The following ASRGL1 variants were observed in gnomAD, a reference collection of about 807,000 sequenced individuals.
ASRGL1 encodes isoaspartyl peptidase/L-asparaginase.
ASRGL1 carries 16 observed loss-of-function variants against 22.4 expected under a neutral mutation model. The observed-to-expected ratio is 0.71, with a 90% CI of 0.48 to 1.08. The LOEUF is 1.08. Among genes scored for constraint, ASRGL1 ranks in the 50% least tolerant of loss-of-function variants. The pLI, the probability that ASRGL1 is intolerant of heterozygous loss-of-function variation, is 0.00. For missense variants in ASRGL1, 412 were observed against 410.1 expected, an observed-to-expected ratio of 1.00 and a Z score of -0.04; for synonymous variants, 165 against 159.3, an observed-to-expected ratio of 1.04 and a Z score of -0.27.
Position 62,384,017 on chromosome 11 carries a change from T to TGTGTGTGCAC in ASRGL1, c.492-5107_492-5098dup, listed in dbSNP as rs775394224. Among the ~76,000 whole-genome samples, 830 of 146,490 alleles carry TGTGTGTGCAC rather than the reference T, an allele frequency of 5.7e-3. 3 individuals carry two copies. The highest frequency in any genetic ancestry group is 0.029 in the East Asian group (146 of 4,958). On this transcript the variant is annotated intron_variant, in intron 4 of 6. Coordinates refer to ENST00000415229, the MANE Select transcript of ASRGL1 (RefSeq NM_001083926.2). ...AAATGCATCTGTGTGTGTGCATGTG[T>TGTGTGTGCAC]GTGTGTGCACGTGTGTGCGTGTGTG...
chr11:62,385,322 T>C (rs1947175272), intron 4 of ASRGL1, among the ~76,000 whole-genome samples: 1 of 151,944 alleles, frequency 6.6e-6, no homozygotes, highest in Admixed American at 6.5e-5. Context: ...AGTCTCATTG[T>C]TTTTTCTTTT....
At chr11:62,374,601 AGTT>A (rs1357515849) in intron 4 of ASRGL1, among the ~76,000 whole-genome samples, 1 of 151,982 alleles carries the variant, frequency 6.6e-6, no homozygotes, top group Admixed American at 6.6e-5. Flanking sequence ...AAAATGATCT[AGTT>A]GTTGTTACTT....
intron 4 of ASRGL1, 144 bp downstream of exon 4, chr11:62,357,288 T>C: frequency 1.1e-6 from 1 of 921,674 alleles, no homozygotes; most frequent in Admixed American, 3.0e-5. Flanking sequence ...CTCTCTCTGT[T>C]GCCCAGACTG....
chr11:62,362,545 TATATAAC>T (rs1565161959), intron 4 of ASRGL1, among the ~76,000 whole-genome samples: 14 of 27,152 alleles, frequency 5.2e-4, no homozygotes, highest in African/African-American at 1.9e-3. Flanking sequence ...TTATATAAAA[TATATAAC>T]ATATATTATT....
intron 2 of ASRGL1, among the ~76,000 whole-genome samples, chr11:62,347,541 G>A (rs1423063785): frequency 2.6e-5 from 4 of 152,098 alleles, no homozygotes; most frequent in Non-Finnish European, 1.5e-5. Flanking sequence ...TTTAGGAGCT[G>A]TGTGTCAGGA....
At chr11:62,389,790 G>A (rs1304138276) in intron 5 of ASRGL1, 1 of 216,988 alleles carries the variant, frequency 4.6e-6, no homozygotes, top group African/African-American at 2.3e-5. Flanking sequence ...GGGGCTGTAT[G>A]TTTCACTCCG....
intron 4 of ASRGL1, among the ~76,000 whole-genome samples, chr11:62,386,206 TG>T (rs1251457086): frequency 2.0e-5 from 3 of 152,112 alleles, no homozygotes; most frequent in African/African-American, 7.2e-5. Flanking sequence ...AAATTTTTTC[TG>T]GCAGGTGGAT....
intron 4 of ASRGL1, among the ~76,000 whole-genome samples, chr11:62,360,192 T>G (rs914007599): frequency 4.6e-5 from 7 of 151,724 alleles, no homozygotes; most frequent in South Asian, 4.1e-4. Context: ...CACGCCTGGG[T>G]AATTTTTGTA....
intron 4 of ASRGL1, among the ~76,000 whole-genome samples, chr11:62,358,818 C>CAA (rs1946366684): frequency 6.6e-6 from 1 of 152,160 alleles, no homozygotes; most frequent in Non-Finnish European, 1.5e-5. Context: ...GTGGGTAGTG[C>CAA]CACTGTTGAC....
At chr11:62,369,978 A>G (rs1302007173) in intron 4 of ASRGL1, among the ~76,000 whole-genome samples, 1 of 152,198 alleles carries the variant, frequency 6.6e-6, no homozygotes, top group Non-Finnish European at 1.5e-5. Flanking sequence ...ACAATCTTGT[A>G]GAATTATTGT....
chr11:62,371,356 G>C, intron 4 of ASRGL1: 2 of 907,608 alleles, frequency 2.2e-6, no homozygotes, highest in Non-Finnish European at 3.2e-6. Flanking sequence ...GCAGCCTGTG[G>C]CAGCAGGCAA....
chr11:62,377,079 A>G (rs1946950644), intron 4 of ASRGL1, among the ~76,000 whole-genome samples: 2 of 152,156 alleles, frequency 1.3e-5, no homozygotes, highest in Non-Finnish European at 2.9e-5. Flanking sequence ...AATGTTGTAC[A>G]ATATTTTTTG....
At chr11:62,360,442 T>C (rs11231044) in intron 4 of ASRGL1, among the ~76,000 whole-genome samples, 41,304 of 151,638 alleles carry the variant, frequency 0.27, 5,719 homozygotes, top group South Asian at 0.36. Flanking sequence ...CCTTAGATTA[T>C]TGAAAATGAG....
intron 4 of ASRGL1, among the ~76,000 whole-genome samples, chr11:62,376,696 GT>G (rs1177646864): frequency 6.6e-6 from 1 of 152,044 alleles, no homozygotes; most frequent in Non-Finnish European, 1.5e-5. Flanking sequence ...TGGTCTATTA[GT>G]TCTTTCAACT....
intron 2 of ASRGL1, among the ~76,000 whole-genome samples, chr11:62,353,400 G>A (rs1385042768): frequency 6.7e-6 from 1 of 149,348 alleles, no homozygotes; most frequent in African/African-American, 2.5e-5. Context: ...GCTGGAGTAC[G>A]GTGGTGTGAT....
At chr11:62,356,618 C>A (rs1590719151) in intron 3 of ASRGL1, 151 bp downstream of exon 3, 4 of 1,071,952 alleles carry the variant, frequency 3.7e-6, no homozygotes, top group Admixed American at 5.9e-5. Context: ...CTCAAATCAG[C>A]CATGATTTTT....
At chr11:62,375,810 C>T (rs995168295) in intron 4 of ASRGL1, among the ~76,000 whole-genome samples, 2 of 151,852 alleles carry the variant, frequency 1.3e-5, no homozygotes. Flanking sequence ...ACCATTGATA[C>T]AATCATCAAA....
chr11:62,364,245 G>GTC (rs1946555367), intron 4 of ASRGL1, among the ~76,000 whole-genome samples: 3 of 150,554 alleles, frequency 2.0e-5, no homozygotes, highest in Non-Finnish European at 4.4e-5. Context: ...TTTATTAAAT[G>GTC]TGTGTGTGTG....
At chr11:62,389,312 C>T in intron 5 of ASRGL1, 61 bp downstream of exon 5, 1 of 1,418,392 alleles carries the variant, frequency 7.1e-7, no homozygotes, top group Non-Finnish European at 1.0e-6. Flanking sequence ...GCTTTCCTCA[C>T]TCTCTATTCC....
Sources: allele counts gnomAD v4.1 joint callset (sites outside exome capture counted in the v4.1 genomes callset), GRCh38; gene constraint gnomAD v4.1.1; transcripts MANE v1.5; gene names NCBI Gene and HGNC (gene_info 2026-07-23, HGNC 2026-07-21).